PPIP5K1: variants seen among roughly 807,000 people sequenced by gnomAD.
PPIP5K1 encodes the protein inositol hexakisphosphate and diphosphoinositol-pentakisphosphate kinase 1.
In PPIP5K1, 6 loss-of-function variants were observed where a neutral mutation model predicts 27.7. That is an observed-to-expected ratio of 0.22 (90% CI 0.12 to 0.43). The LOEUF (loss-of-function observed/expected upper bound fraction) is 0.43, where lower values mean the gene tolerates loss of function less well. Ranked by LOEUF, PPIP5K1 falls within the 20% of genes least tolerant of loss-of-function variation. The pLI, the probability that PPIP5K1 is intolerant of heterozygous loss-of-function variation, is 1.00. For synonymous variants in PPIP5K1, 145 were observed against 242.6 expected (o/e 0.60, Z 3.74); for missense variants, 394 against 635.4 (o/e 0.62, Z 4.08).
chr15:43,542,684 GT>G (rs2080918404), intron 30 of PPIP5K1, among the ~76,000 whole-genome samples: 1 of 150,658 alleles, frequency 6.6e-6, no homozygotes, highest in Non-Finnish European at 1.5e-5. Flanking sequence ...GTGTGTGTGT[GT>G]GTGTGTGTGT....
At chr15:43,552,717 A>AG (rs1345407043) in intron 30 of PPIP5K1, among the ~76,000 whole-genome samples, 1 of 151,406 alleles carries the variant, frequency 6.6e-6, no homozygotes, top group Non-Finnish European at 1.5e-5. Flanking sequence ...AACAAAAAAA[A>AG]AAAGTATGTT....
chr15:43,549,888 T>C (rs2081977738), intron 30 of PPIP5K1, among the ~76,000 whole-genome samples: 1 of 152,252 alleles, frequency 6.6e-6, no homozygotes, highest in East Asian at 1.9e-4. Context: ...GAAGGATTGC[T>C]CCAGCACAGG....
intron 31 of PPIP5K1, among the ~76,000 whole-genome samples, chr15:43,537,557 C>G (rs149164799): frequency 6.7e-6 from 1 of 150,122 alleles, no homozygotes; most frequent in Non-Finnish European, 1.5e-5. Flanking sequence ...GGTATGGTGG[C>G]ACGTGCCTGT....
chr15:43,546,024 AAAG>A (rs2081330516), intron 30 of PPIP5K1, among the ~76,000 whole-genome samples: 1 of 152,212 alleles, frequency 6.6e-6, no homozygotes, highest in Admixed American at 6.5e-5. Flanking sequence ...AAAAAAAAAA[AAAG>A]AAGTCAATCT....
At chr15:43,549,091 A>ATATAT (rs2081879903) in intron 30 of PPIP5K1, among the ~76,000 whole-genome samples, 1 of 136,718 alleles carries the variant, frequency 7.3e-6, no homozygotes, top group South Asian at 2.3e-4. Context: ...ACATATATAT[A>ATATAT]ATTTGTAGAG....
chr15:43,546,908 C>T (rs1370865591), intron 30 of PPIP5K1, among the ~76,000 whole-genome samples: 1 of 152,148 alleles, frequency 6.6e-6, no homozygotes, highest in Non-Finnish European at 1.5e-5. Context: ...ATCCGCCCAC[C>T]TTGGCCTCCC....
chr15:43,580,902 CA>C (rs1405461764), intron 10 of PPIP5K1, 99 bp downstream of exon 10: 1 of 483,506 alleles, frequency 2.1e-6, no homozygotes, highest in Non-Finnish European at 3.4e-6. Flanking sequence ...CCTGCTTTTT[CA>C]CTTTTAAATC....
intron 30 of PPIP5K1, among the ~76,000 whole-genome samples, chr15:43,547,759 T>C (rs964412702): frequency 6.6e-6 from 1 of 152,240 alleles, no homozygotes; most frequent in African/African-American, 2.4e-5. Context: ...AGCTTTGCAA[T>C]ACATTTGGAA....
chr15:43,549,056 A>AAAAAAAT (rs1567039538), intron 30 of PPIP5K1, among the ~76,000 whole-genome samples: 2 of 54,292 alleles, frequency 3.7e-5, no homozygotes, highest in Non-Finnish European at 5.7e-5. Context: ...AAAAAAAAAA[A>AAAAAAAT]ATATATATAT....
In PPIP5K1 at chr15:43,534,500, T is replaced by C; in HGVS notation, c.*174A>G. The C allele has an allele frequency of 1.7e-6, 1 of 590,204 alleles. No individual in the cohort carries two copies. The highest frequency in any genetic ancestry group is 3.3e-5 in the South Asian group (1 of 30,576). The allele number at this position is 590,204 out of a possible 1,614,324, so 36.6% of individuals were successfully genotyped here. On this transcript the variant is annotated 3_prime_UTR_variant, in exon 32 of 32. Coordinates refer to ENST00000420765, the MANE Select transcript of PPIP5K1 (RefSeq NM_001394395.1). ...AAAGGTTGCTGGCTCAAATGGCTGG[T>C]ATAGTGTGATACCACTAATGAGAAA...
intron 30 of PPIP5K1, among the ~76,000 whole-genome samples, chr15:43,545,122 G>A (rs1186427326): frequency 1.3e-5 from 2 of 151,466 alleles, no homozygotes; most frequent in East Asian, 3.9e-4. Flanking sequence ...AGCTTGCAGT[G>A]AGCCGAGATG....
intron 1 of PPIP5K1, among the ~76,000 whole-genome samples, chr15:43,586,633 G>C (rs1201845597): frequency 1.1e-5 from 1 of 88,264 alleles, no homozygotes; most frequent in Non-Finnish European, 2.3e-5. Flanking sequence ...AAGAGGTCAA[G>C]GCTGCAGTGA....
chr15:43,539,622 A>C, intron 30 of PPIP5K1, 39 bp from the exon 31 acceptor site: 1 of 1,307,726 alleles, frequency 7.6e-7, no homozygotes, highest in Non-Finnish European at 1.1e-6. Flanking sequence ...GGAAGAAAAA[A>C]AGACATATGA....
At chr15:43,551,355 T>C (rs1229462462) in intron 30 of PPIP5K1, among the ~76,000 whole-genome samples, 2 of 151,566 alleles carry the variant, frequency 1.3e-5, no homozygotes, top group African/African-American at 2.4e-5. Context: ...CCGTCTCTAC[T>C]AAAAATACAA....
At chr15:43,542,365 C>T (rs1343064269) in intron 30 of PPIP5K1, among the ~76,000 whole-genome samples, 1 of 151,330 alleles carries the variant, frequency 6.6e-6, no homozygotes, top group Non-Finnish European at 1.5e-5. Context: ...GATCACAGCT[C>T]ACTGCAGCCT....
chr15:43,560,442 G>C lies in PPIP5K1; in HGVS notation c.3389C>G (p.Ser1130Ter). ...GAGGCACTCGGGGTCATCCTGGCCT[G>C]AGCGCAGCCAGTTCCGGAAGAGGCG... The part of the protein sequence containing the change: ...HLRLFRNWLR[S>*]GQDDPECLYG... The change falls in exon 29 of 32, where the codon TCA becomes TGA. Residue 1130 changes from serine (S) to a stop codon, truncating the protein, a stop_gained. Transcript: ENST00000420765. LOFTEE classifies it high-confidence loss of function. 1 of 1,301,890 alleles carries C rather than the reference G, an allele frequency of 7.7e-7. No individual in the cohort carries two copies. The highest frequency in any genetic ancestry group is 1.0e-6 in the Non-Finnish European group (1 of 988,620). The allele number at this position is 1,301,890 out of a possible 1,614,324, so 80.6% of individuals were successfully genotyped here.
rs1051278057 is a variant in PPIP5K1 at position 43,556,180 on chromosome 15, C to T, written c.3556+2615G>A. Among the ~76,000 whole-genome samples, 10 of 151,968 alleles carry T rather than the reference C, an allele frequency of 6.6e-5. No individual in the cohort carries two copies. The East Asian group carries it at 1.2e-3, about 18-fold the overall frequency. ...TAAAAAAATACAAAAATTAGCTGTG[C>T]GTGGTGGTGCGCACCTGTAGTCCCA... On this transcript the variant is annotated intron_variant, in intron 30 of 31. Coordinates refer to ENST00000420765, the MANE Select transcript of PPIP5K1 (RefSeq NM_001394395.1).
At chr15:43,542,229 TAG>T (rs762840958) in intron 30 of PPIP5K1, among the ~76,000 whole-genome samples, 1 of 150,318 alleles carries the variant, frequency 6.7e-6, no homozygotes, top group Non-Finnish European at 1.5e-5. Flanking sequence ...GTTTTCAGAG[TAG>T]AGAGTTAGTG....
At chr15:43,551,433 G>A (rs1595800853) in intron 30 of PPIP5K1, among the ~76,000 whole-genome samples, 1 of 149,226 alleles carries the variant, frequency 6.7e-6, no homozygotes, top group Admixed American at 6.7e-5. Flanking sequence ...CAGGAGAATC[G>A]TTTGAATGTA....
Sources: allele counts gnomAD v4.1 joint callset (sites outside exome capture counted in the v4.1 genomes callset), GRCh38; gene constraint gnomAD v4.1.1; transcripts MANE v1.5; gene names NCBI Gene and HGNC (gene_info 2026-07-23, HGNC 2026-07-21).